The following UBL3 variants were observed in gnomAD, a reference collection of about 807,000 sequenced individuals.
UBL3 encodes the protein ubiquitin like 3.
A neutral mutation model predicts 18.4 loss-of-function variants in UBL3; 6 were observed. That is an observed-to-expected ratio of 0.33 (90% CI 0.18 to 0.64). The LOEUF (loss-of-function observed/expected upper bound fraction) is 0.64, where lower values mean the gene tolerates loss of function less well. Among genes scored for constraint, UBL3 ranks in the 30% least tolerant of loss-of-function variants. UBL3 has a pLI of 0.76. For missense variants in UBL3, 109 were observed against 142.9 expected, an observed-to-expected ratio of 0.76 and a Z score of 1.21; for synonymous variants, 49 against 46.6, an observed-to-expected ratio of 1.05 and a Z score of -0.21.
chr13:29,846,938 A>T (rs1879241822), intron 1 of UBL3, among the ~76,000 whole-genome samples: 2 of 152,220 alleles, frequency 1.3e-5, no homozygotes. Flanking sequence ...TGCAAGGGAT[A>T]TATGTCATTA....
intron 3 of UBL3, among the ~76,000 whole-genome samples, chr13:29,768,818 A>C (rs868836464): frequency 6.6e-5 from 10 of 152,094 alleles, no homozygotes; most frequent in Non-Finnish European, 1.2e-4. Flanking sequence ...TGTAAGTAAG[A>C]CTTTATGTTA....
chr13:29,809,593 T>C (rs1226763657), intron 1 of UBL3, among the ~76,000 whole-genome samples: 2 of 152,138 alleles, frequency 1.3e-5, no homozygotes, highest in Admixed American at 1.3e-4. Flanking sequence ...GATAGAGCAT[T>C]CTTTCCTTAG....
Position 29,795,755 on chromosome 13 carries a change from G to GAAA in UBL3, c.28-18495_28-18493dup, listed in dbSNP as rs57782695. Among the ~76,000 whole-genome samples the GAAA allele has an allele frequency of 2.8e-3, 184 of 66,132 alleles. 4 individuals are homozygous for GAAA. The highest frequency in any genetic ancestry group is 5.8e-3 in the African/African-American group (97 of 16,826). 43.4% of individuals were successfully genotyped at this position (66,132 alleles called of 152,430 possible). On this transcript the variant is annotated intron_variant, in intron 1 of 4. Coordinates refer to ENST00000380680, the MANE Select transcript of UBL3 (RefSeq NM_007106.4). ...GGCAACATAGCAAGGCCTCATCTCA[G>GAAA]AAAAAAAAAAAAAAAAAAAAAAGAG...
chr13:29,800,762 T>C (rs968591666), intron 1 of UBL3, among the ~76,000 whole-genome samples: 1 of 152,182 alleles, frequency 6.6e-6, no homozygotes, highest in Non-Finnish European at 1.5e-5. Context: ...TTGCCCTAAG[T>C]AACAAACACT....
intron 1 of UBL3, among the ~76,000 whole-genome samples, chr13:29,835,158 A>C (rs1878923327): frequency 7.3e-5 from 4 of 54,614 alleles, no homozygotes; most frequent in South Asian, 1.5e-3. Context: ...ATATATATAT[A>C]TATATATATA....
chr13:29,849,664 A>T lies in UBL3; in HGVS notation c.-126T>A. 4 of 1,284,808 alleles carry T rather than the reference A, an allele frequency of 3.1e-6. No individual in the cohort carries two copies. In the South Asian group the frequency reaches 5.0e-5, roughly 16 times the overall value. 79.6% of individuals were successfully genotyped at this position (1,284,808 alleles called of 1,614,324 possible). ...TTCGTGATGTGCTTTCTCCCCCAAAAATAAAGTTATTTTGGAGCCAAAGTG... is the reference window on the plus strand; with the variant it reads ...TTCGTGATGTGCTTTCTCCCCCAAATATAAAGTTATTTTGGAGCCAAAGTG... On this transcript the variant is annotated 5_prime_UTR_variant, in exon 1 of 5. Transcript: ENST00000380680.
chr13:29,805,517 C>A (rs532977686), intron 1 of UBL3, among the ~76,000 whole-genome samples: 15 of 152,318 alleles, frequency 9.8e-5, no homozygotes, highest in African/African-American at 2.6e-4. Flanking sequence ...CCCAATACTA[C>A]CTTCTCTTTG....
intron 1 of UBL3, among the ~76,000 whole-genome samples, chr13:29,831,840 C>T (rs1159006901): frequency 6.6e-6 from 1 of 152,032 alleles, no homozygotes; most frequent in Non-Finnish European, 1.5e-5. Flanking sequence ...CAAAAAAAGT[C>T]AAAGATCTTT....
intron 2 of UBL3, 66 bp downstream of exon 2, chr13:29,777,089 G>C (rs1331636237): frequency 8.3e-7 from 1 of 1,211,858 alleles, no homozygotes; most frequent in Non-Finnish European, 1.1e-6. Flanking sequence ...GTTTCAAAAT[G>C]TTTGTGAGAC....
Position 29,849,646 on chromosome 13 carries a change from T to C in UBL3, c.-108A>G. Reference sequence around the variant, plus strand: ...AACCACGATTTTGACTGGTTCGTGATGTGCTTTCTCCCCCAAAAATAAAGT... The same window carrying C: ...AACCACGATTTTGACTGGTTCGTGACGTGCTTTCTCCCCCAAAAATAAAGT... On this transcript the variant is annotated 5_prime_UTR_variant, in exon 1 of 5. Coordinates refer to ENST00000380680, the MANE Select transcript of UBL3 (RefSeq NM_007106.4). 7.1e-7 allele frequency: 1 copy of C among 1,411,946 alleles called. No individual in the cohort carries two copies. The highest frequency in any genetic ancestry group is 9.9e-7 in the Non-Finnish European group (1 of 1,014,080). 87.5% of individuals were successfully genotyped at this position (1,411,946 alleles called of 1,614,324 possible).
intron 1 of UBL3, among the ~76,000 whole-genome samples, chr13:29,845,669 A>G (rs1227243881): frequency 6.6e-6 from 1 of 152,098 alleles, no homozygotes; most frequent in African/African-American, 2.4e-5. Context: ...TGATATAACA[A>G]AAGTTACAAT....
chr13:29,781,348 TTTC>T (rs1877169573), intron 1 of UBL3, among the ~76,000 whole-genome samples: 1 of 152,188 alleles, frequency 6.6e-6, no homozygotes, highest in Non-Finnish European at 1.5e-5. Context: ...TCATCTTTAG[TTTC>T]TTCATGTATT....
At chr13:29,815,452 G>A (rs1001267828) in intron 1 of UBL3, among the ~76,000 whole-genome samples, 1 of 152,134 alleles carries the variant, frequency 6.6e-6, no homozygotes, top group African/African-American at 2.4e-5. Flanking sequence ...TTTTATCCAA[G>A]TTAGAAATGT....
At chr13:29,783,547 G>A (rs1194018504) in intron 1 of UBL3, among the ~76,000 whole-genome samples, 3 of 152,096 alleles carry the variant, frequency 2.0e-5, no homozygotes, top group Non-Finnish European at 4.4e-5. Flanking sequence ...CTGGATACCG[G>A]GCTGGTTATT....
chr13:29,812,782 G>C (rs1451481775), intron 1 of UBL3, among the ~76,000 whole-genome samples: 2 of 151,890 alleles, frequency 1.3e-5, no homozygotes, highest in East Asian at 3.9e-4. Flanking sequence ...TGTGCTCTAA[G>C]TATAATGCAC....
intron 1 of UBL3, among the ~76,000 whole-genome samples, chr13:29,800,164 T>G (rs1359865022): frequency 2.0e-5 from 3 of 152,234 alleles, no homozygotes; most frequent in Admixed American, 6.5e-5. Flanking sequence ...CACCCTGCGG[T>G]CAATTCAAAT....
intron 1 of UBL3, among the ~76,000 whole-genome samples, chr13:29,816,170 C>CTTT (rs1878273193): frequency 6.6e-6 from 1 of 151,738 alleles, no homozygotes; most frequent in African/African-American, 2.4e-5. Context: ...AACTGAAAAG[C>CTTT]AAAAAGCACT....
chr13:29,775,940 A>T lies in UBL3; in HGVS notation c.136+1215T>A, dbSNP rs564654395. On this transcript the variant is annotated intron_variant, in intron 2 of 4. Transcript: ENST00000380680. ...CTGACGGTCTTATTATATAAAAAAA[A>T]AATCAAAGAAAATAAGAAATACCAA... 3.3e-5 allele frequency among the ~76,000 whole-genome samples: 5 copies of T among 152,198 alleles called. No homozygotes were observed. The East Asian group carries it at 9.7e-4, about 30-fold the overall frequency.
At chr13:29,794,431 T>C (rs1395025700) in intron 1 of UBL3, among the ~76,000 whole-genome samples, 1 of 152,106 alleles carries the variant, frequency 6.6e-6, no homozygotes, top group African/African-American at 2.4e-5. Flanking sequence ...GTTTGTTAGG[T>C]GAAAACTAAG....
Sources: gnomAD v4.1 joint callset for allele counts (sites outside exome capture counted in the v4.1 genomes callset) on GRCh38, gnomAD v4.1.1 for gene constraint, MANE v1.5 for transcripts, NCBI Gene and HGNC (gene_info 2026-07-23, HGNC 2026-07-21) for gene names.